Variants in SPON1 observed in about 807,000 individuals in gnomAD.
SPON1 encodes the protein spondin 1.
In SPON1, 52 loss-of-function variants were observed where a neutral mutation model predicts 111.7. That is an observed-to-expected ratio of 0.47 (90% CI 0.37 to 0.59). The LOEUF is 0.59. SPON1 is among the 20% of genes least tolerant of loss of function. The pLI is 0.00. For synonymous variants in SPON1, 410 were observed against 395.8 expected, an observed-to-expected ratio of 1.04 and a Z score of -0.43; for missense variants, 957 against 1,068.5, an observed-to-expected ratio of 0.90 and a Z score of 1.46.
intron 6 of SPON1, among the ~76,000 whole-genome samples, chr11:14,209,610 C>T (rs1256693804): frequency 6.6e-6 from 1 of 152,154 alleles, no homozygotes; most frequent in Non-Finnish European, 1.5e-5. Context: ...TTTATGGCTG[C>T]ATAGTATTCC....
chr11:14,113,568 ATTTTTTTTTTTTTTT>A lies in SPON1; in HGVS notation c.677-21814_677-21800del, dbSNP rs782780924. Among the ~76,000 whole-genome samples the A allele has an allele frequency of 2.4e-4, 18 of 74,750 alleles. 1 individual carries two copies. Among genetic ancestry groups the A allele is most frequent in the Admixed American group, 4.7e-4 (3 of 6,408 alleles). The allele number at this position is 74,750 out of a possible 152,430, so 49.0% of individuals were successfully genotyped here. On this transcript the variant is annotated intron_variant, in intron 5 of 15. Transcript: ENST00000576479. ...AAGTCACCTCCTATGTACTTTTTAA[ATTTTTTTTTTTTTTT>A]TTTTTTTTTTTTTTTTTTTTTTTTT...
At chr11:14,203,202 C>A (rs1047978607) in intron 6 of SPON1, among the ~76,000 whole-genome samples, 1 of 152,200 alleles carries the variant, frequency 6.6e-6, no homozygotes, top group African/African-American at 2.4e-5. Flanking sequence ...GACACAGAAG[C>A]AATAGAAGCA....
intron 5 of SPON1, among the ~76,000 whole-genome samples, chr11:14,110,303 A>G (rs2133848498): frequency 6.6e-6 from 1 of 152,282 alleles, no homozygotes. Flanking sequence ...CTCTTCCTTT[A>G]TAAGAATTAT....
chr11:14,229,942 C>CTG (rs1257913912), intron 6 of SPON1, among the ~76,000 whole-genome samples: 7 of 133,996 alleles, frequency 5.2e-5, no homozygotes, highest in Non-Finnish European at 9.3e-5. Context: ...GTCTGTCTGT[C>CTG]TGTGTGTCCG....
At chr11:14,163,840 C>T (rs565254568) in intron 6 of SPON1, among the ~76,000 whole-genome samples, 2 of 152,146 alleles carry the variant, frequency 1.3e-5, no homozygotes, top group African/African-American at 4.8e-5. Flanking sequence ...CTCCAATTCC[C>T]TCCCCCGCTT....
rs1849046497 is a variant in SPON1, at chr11:14,090,824, G to GCCACCCCCC, written c.676+10805_676+10806insACCCCCCCC. On this transcript the variant is annotated intron_variant, in intron 5 of 15. Transcript: ENST00000576479. ...CAGCCTGCTTTTATTCTCTTATCTG[G>GCCACCCCCC]CCCCCCCCCCCCCCCCCCCCGCCCA... is the stretch of plus-strand genomic sequence containing the variant. Among the ~76,000 whole-genome samples, 341 of 45,590 alleles carry GCCACCCCCC rather than the reference G, an allele frequency of 7.5e-3. 17 individuals carry two copies. The highest frequency in any genetic ancestry group is 0.037 in the Middle Eastern group (3 of 82). The allele number at this position is 45,590 out of a possible 152,430, so 29.9% of individuals were successfully genotyped here.
intron 1 of SPON1, among the ~76,000 whole-genome samples, chr11:13,978,879 G>T (rs1036878436): frequency 6.6e-6 from 1 of 152,208 alleles, no homozygotes; most frequent in Non-Finnish European, 1.5e-5. Context: ...ATGGGAGCAT[G>T]GTTAGTGAAG....
Position 13,986,873 on chromosome 11 carries a change from TC to T in SPON1, c.345+3923del, listed in dbSNP as rs1409649760. On this transcript the variant is annotated intron_variant, in intron 2 of 15. Transcript: ENST00000576479. ...ATGATGGTTTCCAGCTTCATCCATGTCCCTGCAAAGGACATGAACTCATCCT... is the reference window on the plus strand; with the variant it reads ...ATGATGGTTTCCAGCTTCATCCATGTCCTGCAAAGGACATGAACTCATCCT... Among the ~76,000 whole-genome samples the T allele has an allele frequency of 5.9e-5, 9 of 152,198 alleles. No individual in the cohort carries two copies. In the East Asian group the frequency reaches 1.7e-3, roughly 29 times the overall value.
chr11:14,150,738 G>GA (rs1347167196), intron 6 of SPON1, among the ~76,000 whole-genome samples: 3 of 152,116 alleles, frequency 2.0e-5, no homozygotes, highest in African/African-American at 4.8e-5. Context: ...AATCATTTGT[G>GA]AAAAAGAAAA....
chr11:14,015,919 T>C (rs1848441098), intron 2 of SPON1, among the ~76,000 whole-genome samples: 1 of 152,224 alleles, frequency 6.6e-6, no homozygotes, highest in African/African-American at 2.4e-5. Context: ...GGTAAGTTCA[T>C]GTTGCCACGG....
chr11:14,217,143 C>T (rs1848633909), intron 6 of SPON1, among the ~76,000 whole-genome samples: 1 of 152,186 alleles, frequency 6.6e-6, no homozygotes, highest in African/African-American at 2.4e-5. Context: ...TCATCCCACT[C>T]CAAAGCAGAT....
chr11:14,226,586 A>G (rs1485924465), intron 6 of SPON1, among the ~76,000 whole-genome samples: 11 of 152,236 alleles, frequency 7.2e-5, no homozygotes, highest in Admixed American at 7.2e-4. Context: ...TAGCTTTCAC[A>G]TCATCATAAA....
intron 5 of SPON1, among the ~76,000 whole-genome samples, chr11:14,116,838 A>C (rs182159903): frequency 2.0e-5 from 3 of 152,290 alleles, no homozygotes. Flanking sequence ...TCTTTCAATC[A>C]ATGACCATAT....
At chr11:14,261,494 C>T (rs2133927933) in intron 14 of SPON1, among the ~76,000 whole-genome samples, 1 of 152,316 alleles carries the variant, frequency 6.6e-6, no homozygotes, top group South Asian at 2.1e-4. Context: ...TGTAAAATAG[C>T]AGGAAATACT....
rs1248483883 is a variant in SPON1 at position 14,160,731 on chromosome 11, A to G, written c.825+25163A>G. Among the ~76,000 whole-genome samples the G allele has an allele frequency of 4.3e-4, 6 of 13,892 alleles. 2 individuals are homozygous for G. The highest frequency in any genetic ancestry group is 5.9e-4 in the Non-Finnish European group (6 of 10,162). The allele number at this position is 13,892 out of a possible 152,430, so 9.1% of individuals were successfully genotyped here. ...TATTTATATATATTTATATATTTAT[A>G]TATATTTAATTTATATATATTTATA... On this transcript the variant is annotated intron_variant, in intron 6 of 15. Transcript: ENST00000576479.
intron 1 of SPON1, among the ~76,000 whole-genome samples, chr11:13,977,442 C>A (rs1361756335): frequency 6.6e-6 from 1 of 152,144 alleles, no homozygotes; most frequent in Non-Finnish European, 1.5e-5. Context: ...AGGTTGAGAG[C>A]CTTTGCATAT....
chr11:14,210,145 T>A (rs1848559110), intron 6 of SPON1, among the ~76,000 whole-genome samples: 1 of 152,230 alleles, frequency 6.6e-6, no homozygotes, highest in African/African-American at 2.4e-5. Context: ...AAATTCCTTG[T>A]AGATTCTGGA....
chr11:14,244,077 T>A (rs569540570), intron 7 of SPON1, among the ~76,000 whole-genome samples: 1 of 152,216 alleles, frequency 6.6e-6, no homozygotes. Context: ...TTCTGCCTTC[T>A]GGGCAGCTCA....
chr11:14,180,215 C>T (rs1554933558), intron 6 of SPON1, among the ~76,000 whole-genome samples: 1 of 152,200 alleles, frequency 6.6e-6, no homozygotes, highest in Non-Finnish European at 1.5e-5. Context: ...GTTAGTCACC[C>T]TGCATCCCTT....
Sources: gnomAD v4.1 joint callset for allele counts (sites outside exome capture counted in the v4.1 genomes callset) on GRCh38, gnomAD v4.1.1 for gene constraint, MANE v1.5 for transcripts, NCBI Gene and HGNC (gene_info 2026-07-23, HGNC 2026-07-21) for gene names.